RBFOX1: variants seen among roughly 807,000 people sequenced by gnomAD.
RBFOX1 encodes RNA binding fox-1 homolog 1, also known as RNA binding protein fox-1 homolog 1.
RBFOX1 carries 8 observed loss-of-function variants against 57.7 expected under a neutral mutation model. The observed-to-expected ratio is 0.14, with a 90% CI of 0.08 to 0.25. The LOEUF (loss-of-function observed/expected upper bound fraction) is 0.25. RBFOX1 is among the 10% of genes least tolerant of loss of function. The probability of loss-of-function intolerance (pLI) is 1.00; values close to 1 mark genes in which losing one functional copy is unlikely to be tolerated. For missense variants in RBFOX1, 611 were observed against 548.5 expected, an observed-to-expected ratio of 1.11 and a Z score of -1.14; for synonymous variants, 326 against 222.4, an observed-to-expected ratio of 1.47 and a Z score of -4.15.
intron 4 of RBFOX1, among the ~76,000 whole-genome samples, chr16:7,240,495 T>C (rs151036643): frequency 7.7e-4 from 117 of 152,294 alleles, no homozygotes; most frequent in South Asian, 5.6e-3. Context: ...GTTATTTTAT[T>C]GTATTGATTT....
At chr16:7,439,211 A>C (rs2098746705) in intron 4 of RBFOX1, among the ~76,000 whole-genome samples, 1 of 152,148 alleles carries the variant, frequency 6.6e-6, no homozygotes, top group African/African-American at 2.4e-5. Context: ...TGAACTCAGA[A>C]AATCCAGTGC....
At chr16:7,621,407 T>TA (rs2059301765) in intron 10 of RBFOX1, among the ~76,000 whole-genome samples, 1 of 152,136 alleles carries the variant, frequency 6.6e-6, no homozygotes, top group South Asian at 2.1e-4. Context: ...GTTACAGGCA[T>TA]ATGCCACCAC....
chr16:5,881,194 G>C (rs754392090), intron 4 of RBFOX1, among the ~76,000 whole-genome samples: 11 of 152,118 alleles, frequency 7.2e-5, no homozygotes, highest in Non-Finnish European at 1.6e-4. Context: ...TCTCCATCTT[G>C]GCCCTGAACT....
intron 5 of RBFOX1, among the ~76,000 whole-genome samples, chr16:7,563,787 C>T (rs1345613088): frequency 6.6e-6 from 1 of 152,034 alleles, no homozygotes; most frequent in South Asian, 2.1e-4. Flanking sequence ...TTTTAACTAC[C>T]TATCCTGGAA....
chr16:7,234,543 C>T (rs558553122), intron 4 of RBFOX1, among the ~76,000 whole-genome samples: 153 of 151,672 alleles, frequency 1.0e-3, no homozygotes, highest in African/African-American at 2.9e-3. Flanking sequence ...TAGTATGAAG[C>T]ATTTAACCAT....
chr16:6,694,855 C>G (rs1217404689), intron 3 of RBFOX1, among the ~76,000 whole-genome samples: 1 of 151,948 alleles, frequency 6.6e-6, no homozygotes, highest in Admixed American at 6.6e-5. Flanking sequence ...GAGTCCAGCC[C>G]CGGAGCCCTG....
At chr16:5,935,148 C>G (rs1057283637) in intron 4 of RBFOX1, among the ~76,000 whole-genome samples, 1 of 152,232 alleles carries the variant, frequency 6.6e-6, no homozygotes, top group Admixed American at 6.5e-5. Context: ...TGTCTATTTC[C>G]TATAACTTTA....
chr16:6,061,883 C>T (rs528236157), intron 1 of RBFOX1, among the ~76,000 whole-genome samples: 116 of 152,136 alleles, frequency 7.6e-4, no homozygotes, highest in African/African-American at 2.6e-3. Flanking sequence ...GCATCAGATC[C>T]CACAGATTAA....
intron 11 of RBFOX1, among the ~76,000 whole-genome samples, chr16:7,652,760 A>C (rs1245191677): frequency 6.6e-6 from 1 of 152,190 alleles, no homozygotes; most frequent in East Asian, 1.9e-4. Context: ...ATTTGTAATC[A>C]TGCTGGTTGC....
intron 2 of RBFOX1, among the ~76,000 whole-genome samples, chr16:6,586,988 C>T (rs936273015): frequency 1.3e-5 from 2 of 151,860 alleles, no homozygotes; most frequent in Non-Finnish European, 2.9e-5. Flanking sequence ...TAAATTAATA[C>T]ATGCATTACT....
At chr16:6,182,458 T>C (rs1285891847) in intron 1 of RBFOX1, among the ~76,000 whole-genome samples, 1 of 152,216 alleles carries the variant, frequency 6.6e-6, no homozygotes, top group Non-Finnish European at 1.5e-5. Flanking sequence ...ATCAAACAGC[T>C]AATATGCATT....
intron 3 of RBFOX1, among the ~76,000 whole-genome samples, chr16:6,662,997 T>C (rs759391097): frequency 6.6e-6 from 1 of 152,210 alleles, no homozygotes; most frequent in African/African-American, 2.4e-5. Context: ...CACTGTTTTC[T>C]ACTGGTGGGT....
chr16:5,747,328 T>C (rs969390329), intron 3 of RBFOX1, among the ~76,000 whole-genome samples: 3 of 152,202 alleles, frequency 2.0e-5, no homozygotes, highest in Non-Finnish European at 4.4e-5. Flanking sequence ...TCATCAGGGA[T>C]ATTGGTCTGA....
At chr16:6,054,557 G>C (rs529916026) in intron 1 of RBFOX1, among the ~76,000 whole-genome samples, 2 of 152,142 alleles carry the variant, frequency 1.3e-5, no homozygotes, top group South Asian at 2.1e-4. Flanking sequence ...ATAAACACTG[G>C]GTTGACACCC....
At chr16:7,323,850 G>C (rs900713433) in intron 4 of RBFOX1, among the ~76,000 whole-genome samples, 3 of 152,308 alleles carry the variant, frequency 2.0e-5, no homozygotes, top group African/African-American at 7.2e-5. Context: ...GCACAGGTCT[G>C]ATACATAATT....
intron 3 of RBFOX1, among the ~76,000 whole-genome samples, chr16:5,817,400 G>C (rs529595241): frequency 6.6e-5 from 10 of 152,304 alleles, no homozygotes; most frequent in African/African-American, 2.2e-4. Context: ...TGGAGTTTCA[G>C]GTAGTTGCAT....
At chr16:7,642,796 C>G (rs1021912190) in intron 11 of RBFOX1, among the ~76,000 whole-genome samples, 2 of 152,088 alleles carry the variant, frequency 1.3e-5, no homozygotes, top group African/African-American at 4.8e-5. Context: ...AAATAAATCT[C>G]AGCTCTTCAG....
At chr16:7,708,175 C>G (rs1050983388) in intron 14 of RBFOX1, among the ~76,000 whole-genome samples, 3 of 151,994 alleles carry the variant, frequency 2.0e-5, no homozygotes, top group Non-Finnish European at 4.4e-5. Flanking sequence ...TTTGTCTCCC[C>G]CCTCATAAAA....
At chr16:7,399,246 G>A (rs1411317429) in intron 4 of RBFOX1, among the ~76,000 whole-genome samples, 1 of 152,190 alleles carries the variant, frequency 6.6e-6, no homozygotes, top group African/African-American at 2.4e-5. Flanking sequence ...TCAGTAGTTT[G>A]AGACCAGCTT....
Sources: allele counts gnomAD v4.1 joint callset (sites outside exome capture counted in the v4.1 genomes callset), GRCh38; gene constraint gnomAD v4.1.1; transcripts MANE v1.5; gene names NCBI Gene and HGNC (gene_info 2026-07-23, HGNC 2026-07-21).